ASXL3: variants seen among roughly 807,000 people sequenced by gnomAD.
ASXL3 encodes ASXL transcriptional regulator 3, also known as putative Polycomb group protein ASXL3.
Under a neutral mutation model 170.6 loss-of-function variants are expected in ASXL3, and 34 were observed. The ratio of observed to expected loss-of-function variants is 0.20; its 90% CI spans 0.15 to 0.27. ASXL3 has a LOEUF of 0.27. Ranked by LOEUF, ASXL3 falls within the 10% of genes least tolerant of loss-of-function variation. The pLI, the probability that ASXL3 is intolerant of heterozygous loss-of-function variation, is 1.00. For missense variants in ASXL3, 2,592 were observed against 2,695.3 expected, an observed-to-expected ratio of 0.96 and a Z score of 0.85; for synonymous variants, 1,002 against 989.1, an observed-to-expected ratio of 1.01 and a Z score of -0.24.
intron 8 of ASXL3, among the ~76,000 whole-genome samples, chr18:33,730,017 GAATAA>G (rs2067416922): frequency 6.6e-6 from 1 of 152,120 alleles, no homozygotes. Flanking sequence ...CCAACAGAAT[GAATAA>G]TACAAAGTAA....
intron 2 of ASXL3, among the ~76,000 whole-genome samples, chr18:33,612,605 T>C (rs956023103): frequency 6.6e-6 from 1 of 152,094 alleles, no homozygotes; most frequent in Non-Finnish European, 1.5e-5. Context: ...TATGCTGAAA[T>C]TAGAATCTCC....
chr18:33,598,247 A>G (rs551346612), intron 1 of ASXL3, among the ~76,000 whole-genome samples: 4 of 152,310 alleles, frequency 2.6e-5, no homozygotes, highest in East Asian at 1.9e-4. Flanking sequence ...TGATTTAATC[A>G]TATTAGATCT....
intron 2 of ASXL3, chr18:33,614,769 C>G (rs576003340): frequency 1.3e-5 from 2 of 152,056 alleles, no homozygotes; most frequent in East Asian, 3.9e-4. Flanking sequence ...TCTCCCTCAT[C>G]TCTTGGGTGA....
At chr18:33,670,235 A>G (rs999588812) in intron 5 of ASXL3, among the ~76,000 whole-genome samples, 1 of 152,220 alleles carries the variant, frequency 6.6e-6, no homozygotes, top group Non-Finnish European at 1.5e-5. Context: ...CATACTGATG[A>G]CACTCAGTGT....
rs776792953 is a variant in ASXL3 at position 33,733,888 on chromosome 18, C to T, written c.977-422C>T. On this transcript the variant is annotated intron_variant, in intron 9 of 11. Transcript: ENST00000269197. ...CTTAATCGACCTAGGCAGAATTAAG[C>T]GCTTTACTTTCTATATTTCACTACA... Among the ~76,000 whole-genome samples the T allele has an allele frequency of 1.1e-4, 16 of 152,178 alleles. No homozygotes were observed. In the East Asian group the frequency reaches 1.2e-3, roughly 11 times the overall value.
chr18:33,733,805 A>AAT, intron 9 of ASXL3, among the ~76,000 whole-genome samples: 1 of 152,286 alleles, frequency 6.6e-6, no homozygotes, highest in African/African-American at 2.4e-5. Flanking sequence ...ATTACTTTAT[A>AAT]AAAGCCTGAG....
chr18:33,594,059 TAAC>T (rs2065103090), intron 1 of ASXL3, among the ~76,000 whole-genome samples: 1 of 152,198 alleles, frequency 6.6e-6, no homozygotes, highest in African/African-American at 2.4e-5. Context: ...CAGGGGTAAT[TAAC>T]AACACTCTCA....
At chr18:33,601,921 G>GC (rs954199281) in intron 1 of ASXL3, among the ~76,000 whole-genome samples, 10 of 151,532 alleles carry the variant, frequency 6.6e-5, no homozygotes, top group African/African-American at 2.4e-4. Flanking sequence ...CTACCAAGTA[G>GC]CTGGGACTAT....
chr18:33,615,856 T>C (rs1048673403), intron 2 of ASXL3, among the ~76,000 whole-genome samples: 3 of 152,168 alleles, frequency 2.0e-5, no homozygotes, highest in African/African-American at 4.8e-5. Context: ...ACCTTACATT[T>C]AGATAAAATT....
In ASXL3 at chr18:33,748,576, C is replaced by T. The variant is rs1179909093; in HGVS notation, c.*1981C>T. The T allele has an allele frequency of 6.6e-6, 1 of 152,162 alleles. No homozygotes were observed. The highest frequency in any genetic ancestry group is 2.4e-5 in the African/African-American group (1 of 41,446). 9.4% of individuals were successfully genotyped at this position (152,162 alleles called of 1,614,324 possible). A position where few individuals can be genotyped will look rare whatever the true frequency, so the allele number is the denominator to read the frequency against. On this transcript the variant is annotated 3_prime_UTR_variant, in exon 12 of 12. Coordinates refer to ENST00000269197, the MANE Select transcript of ASXL3 (RefSeq NM_030632.3). ...TACCCGAGGAAAGCAGCATAAGTTC[C>T]AGTGGATCCTTAGTTTTCTCTTCAC...
intron 8 of ASXL3, among the ~76,000 whole-genome samples, chr18:33,709,329 G>A (rs2067017477): frequency 6.6e-6 from 1 of 150,518 alleles, no homozygotes. Flanking sequence ...AAAAACATGA[G>A]CAGAAAAGTT....
rs571291416 is a variant in ASXL3 at position 33,625,050 on chromosome 18, T to C, written c.137+17374T>C. Among the ~76,000 whole-genome samples, 7 of 152,296 alleles carry C rather than the reference T, an allele frequency of 4.6e-5. No homozygotes were observed. In the South Asian group the frequency reaches 1.4e-3, roughly 32 times the overall value. On this transcript the variant is annotated intron_variant, in intron 2 of 11. Coordinates refer to ENST00000269197, the MANE Select transcript of ASXL3 (RefSeq NM_030632.3). ...GTTATTAGGATCACTGCCACGTTAA[T>C]ACTCCTTTATCATTTAAGATACAGA...
intron 8 of ASXL3, among the ~76,000 whole-genome samples, chr18:33,711,659 T>C (rs1191193447): frequency 6.6e-6 from 1 of 152,156 alleles, no homozygotes; most frequent in Non-Finnish European, 1.5e-5. Context: ...ATTAGATGGT[T>C]GGTTGTTTGC....
chr18:33,733,382 T>C (rs35362823), intron 9 of ASXL3, among the ~76,000 whole-genome samples: 42,648 of 152,034 alleles, frequency 0.28, 6,442 homozygotes, highest in Non-Finnish European at 0.34. Flanking sequence ...AGTTCCTCAG[T>C]TTAAAACCTT....
intron 8 of ASXL3, among the ~76,000 whole-genome samples, chr18:33,692,070 T>C (rs934319574): frequency 6.6e-6 from 1 of 152,186 alleles, no homozygotes; most frequent in Non-Finnish European, 1.5e-5. Flanking sequence ...GCTTATGCTT[T>C]TTCTCCACAT....
intron 8 of ASXL3, among the ~76,000 whole-genome samples, chr18:33,720,356 A>G (rs1157840900): frequency 6.6e-6 from 1 of 152,084 alleles, no homozygotes; most frequent in Non-Finnish European, 1.5e-5. Flanking sequence ...GGAAACAGTG[A>G]TTCATTGATT....
intron 2 of ASXL3, among the ~76,000 whole-genome samples, chr18:33,631,264 GC>G (rs1488403259): frequency 6.6e-6 from 1 of 151,998 alleles, no homozygotes; most frequent in Non-Finnish European, 1.5e-5. Context: ...GAGCTCTAAC[GC>G]ATAAAACTAA....
chr18:33,713,343 C>CCCCCA lies in ASXL3; in HGVS notation c.880-18621_880-18620insACCCC, dbSNP rs1270462405. 7.1e-4 allele frequency among the ~76,000 whole-genome samples: 56 copies of CCCCCA among 79,182 alleles called. 1 individual carries two copies. The highest frequency in any genetic ancestry group is 9.5e-4 in the Non-Finnish European group (40 of 41,890). 51.9% of individuals were successfully genotyped at this position (79,182 alleles called of 152,430 possible). Reference sequence around the variant, plus strand: ...AATCTTGGCTCACTGCAACCTCCACCCCCCCCCGGGTTCAAGTGATTCTCC... The same window carrying CCCCCA: ...AATCTTGGCTCACTGCAACCTCCACCCCCCACCCCCCCGGGTTCAAGTGATTCTCC... On this transcript the variant is annotated intron_variant, in intron 8 of 11. Coordinates refer to ENST00000269197, the MANE Select transcript of ASXL3 (RefSeq NM_030632.3).
chr18:33,640,152 A>G (rs1353917170), intron 2 of ASXL3, among the ~76,000 whole-genome samples: 1 of 152,046 alleles, frequency 6.6e-6, no homozygotes, highest in Non-Finnish European at 1.5e-5. Flanking sequence ...GATTGTAGAG[A>G]GACCATGAAG....
Sources: gnomAD v4.1 joint callset for allele counts (sites outside exome capture counted in the v4.1 genomes callset) on GRCh38, gnomAD v4.1.1 for gene constraint, MANE v1.5 for transcripts, NCBI Gene and HGNC (gene_info 2026-07-23, HGNC 2026-07-21) for gene names.